The following NRXN3 variants were observed in gnomAD, a reference collection of about 807,000 sequenced individuals.
NRXN3 encodes neurexin III.
NRXN3 carries 32 observed loss-of-function variants against 137.6 expected under a neutral mutation model. The observed-to-expected ratio is 0.23, with a 90% CI of 0.18 to 0.31. The LOEUF is 0.31. Ranked by LOEUF, NRXN3 falls within the 10% of genes least tolerant of loss-of-function variation. The pLI is 1.00. For synonymous variants in NRXN3, 798 were observed against 784.5 expected (o/e 1.02, Z -0.29); for missense variants, 1,574 against 2,062.5 (o/e 0.76, Z 4.59).
chr14:79,447,728 T>C (rs1686210728), intron 15 of NRXN3, among the ~76,000 whole-genome samples: 1 of 152,234 alleles, frequency 6.6e-6, no homozygotes, highest in African/African-American at 2.4e-5. Context: ...TTTTGAGCTC[T>C]GGTCTTGAGT....
intron 1 of NRXN3, among the ~76,000 whole-genome samples, chr14:78,212,023 A>C (rs966302571): frequency 1.3e-5 from 2 of 152,180 alleles, no homozygotes; most frequent in African/African-American, 4.8e-5. Flanking sequence ...GGAGCCTCCT[A>C]CTTTGTTAGA....
Position 79,864,728 on chromosome 14 carries a change from GTTTTTGT to G in NRXN3, c.*2776_*2782del, listed in dbSNP as rs752937956. On this transcript the variant is annotated 3_prime_UTR_variant, in exon 21 of 21. Coordinates refer to ENST00000335750, the MANE Select transcript of NRXN3 (RefSeq NM_001330195.2). ...TTGGATACTATGGTTTTGTTTGTTT[GTTTTTGT>G]TTTTTGTTTTTCGTTTTTTGTTTGT... 20 of 152,006 alleles carry G rather than the reference GTTTTTGT, an allele frequency of 1.3e-4. No homozygotes were observed. Among genetic ancestry groups the G allele is most frequent in the Admixed American group, 3.9e-4 (6 of 15,244 alleles). The allele number at this position is 152,006 out of a possible 1,614,324, so 9.4% of individuals were successfully genotyped here. A position where few individuals can be genotyped will look rare whatever the true frequency, so the allele number is the denominator to read the frequency against.
chr14:78,927,097 G>C (rs1225040180), intron 10 of NRXN3, among the ~76,000 whole-genome samples: 1 of 130,054 alleles, frequency 7.7e-6, no homozygotes, highest in Admixed American at 9.9e-5. Context: ...TGAGGCTTCA[G>C]TGAGTCGTGA....
At chr14:79,825,559 C>T (rs1263824944) in intron 20 of NRXN3, among the ~76,000 whole-genome samples, 3 of 152,188 alleles carry the variant, frequency 2.0e-5, no homozygotes, top group Admixed American at 1.3e-4. Context: ...ATGTGATACA[C>T]GGAAGTGAGA....
At chr14:78,394,374 A>T (rs909736655) in intron 4 of NRXN3, among the ~76,000 whole-genome samples, 1 of 151,976 alleles carries the variant, frequency 6.6e-6, no homozygotes, top group Non-Finnish European at 1.5e-5. Context: ...GCTAGATTAC[A>T]TTGATAGGTT....
chr14:78,323,353 T>G lies in NRXN3; in HGVS notation c.757+25493T>G, dbSNP rs550632209. Among the ~76,000 whole-genome samples, 8 of 151,890 alleles carry G rather than the reference T, an allele frequency of 5.3e-5. 1 individual carries two copies. The South Asian group carries it at 1.7e-3, about 32-fold the overall frequency. On this transcript the variant is annotated intron_variant, in intron 4 of 20. Transcript: ENST00000335750. Reference sequence around the variant, plus strand: ...AAATCAAAGTGCCCTGTGTGTGGATTGAGAAGCCCTGGATTTAAGTCCTAA... The same window carrying G: ...AAATCAAAGTGCCCTGTGTGTGGATGGAGAAGCCCTGGATTTAAGTCCTAA...
intron 4 of NRXN3, among the ~76,000 whole-genome samples, chr14:78,429,464 C>T (rs1211895060): frequency 6.6e-6 from 1 of 152,174 alleles, no homozygotes; most frequent in Non-Finnish European, 1.5e-5. Context: ...AAATCCTACT[C>T]TAGTTGCCAA....
chr14:79,489,841 C>T (rs2096696199), intron 16 of NRXN3, among the ~76,000 whole-genome samples: 1 of 151,782 alleles, frequency 6.6e-6, no homozygotes, highest in African/African-American at 2.4e-5. Flanking sequence ...AGATCAAGAC[C>T]ATCCTGGCTA....
At chr14:79,692,373 GT>G in intron 18 of NRXN3, 111 bp downstream of exon 18, 1 of 796,758 alleles carries the variant, frequency 1.3e-6, no homozygotes, top group East Asian at 2.8e-5. Flanking sequence ...ATAAATGACT[GT>G]TTTAATTTTC....
At chr14:79,165,104 T>G (rs188552683) in intron 15 of NRXN3, among the ~76,000 whole-genome samples, 1 of 152,078 alleles carries the variant, frequency 6.6e-6, no homozygotes, top group Admixed American at 6.6e-5. Context: ...AGCCAGCGGT[T>G]GGTGGTTGAG....
At chr14:78,913,260 TTCTTTCTTTCTTTC>T (rs2099244738) in intron 10 of NRXN3, among the ~76,000 whole-genome samples, 3 of 105,854 alleles carry the variant, frequency 2.8e-5, no homozygotes, top group African/African-American at 9.9e-5. Flanking sequence ...CTTTCTTTCT[TTCTTTCTTTCTTTC>T]TTTTTTTTTT....
chr14:79,732,950 A>G (rs2098929189), intron 19 of NRXN3, among the ~76,000 whole-genome samples: 1 of 152,200 alleles, frequency 6.6e-6, no homozygotes, highest in Admixed American at 6.6e-5. Context: ...GTTCAGATTT[A>G]TATTTTGATA....
chr14:78,516,797 C>T (rs1444458108), intron 4 of NRXN3, among the ~76,000 whole-genome samples: 7 of 151,948 alleles, frequency 4.6e-5, no homozygotes, highest in Admixed American at 2.6e-4. Flanking sequence ...TGGGAAATAA[C>T]TATAGTTAAT....
intron 15 of NRXN3, among the ~76,000 whole-genome samples, chr14:79,258,736 G>A (rs201563093): frequency 8.0e-4 from 122 of 152,254 alleles, no homozygotes; most frequent in African/African-American, 2.8e-3. Flanking sequence ...AACAAACACT[G>A]CCTTTCTAAT....
intron 8 of NRXN3, among the ~76,000 whole-genome samples, chr14:78,759,112 G>A (rs1042323171): frequency 3.3e-5 from 5 of 152,090 alleles, no homozygotes; most frequent in East Asian, 3.9e-4. Context: ...CTCATCCTCC[G>A]GACCAGATGT....
In NRXN3 at chr14:78,485,554, A is replaced by G. The variant is rs368601717; in HGVS notation, c.758-159566A>G. Among the ~76,000 whole-genome samples, 4 of 152,338 alleles carry G rather than the reference A, an allele frequency of 2.6e-5. No individual in the cohort carries two copies. The East Asian group carries it at 7.7e-4, about 29-fold the overall frequency. On this transcript the variant is annotated intron_variant, in intron 4 of 20. Transcript: ENST00000335750. Reference sequence around the variant, plus strand: ...TTAAGGGTGTGGAGTAGTGCTTGACATGTAGTAAATGCTCAACAAATTGTT... The same window carrying G: ...TTAAGGGTGTGGAGTAGTGCTTGACGTGTAGTAAATGCTCAACAAATTGTT...
At chr14:79,655,437 T>C (rs992779692) in intron 16 of NRXN3, among the ~76,000 whole-genome samples, 5 of 152,232 alleles carry the variant, frequency 3.3e-5, no homozygotes, top group Non-Finnish European at 5.9e-5. Flanking sequence ...GATCAAATAT[T>C]TAAAAATTCA....
intron 15 of NRXN3, among the ~76,000 whole-genome samples, chr14:79,215,081 A>G (rs2068267476): frequency 6.6e-6 from 1 of 152,184 alleles, no homozygotes; most frequent in Admixed American, 6.5e-5. Flanking sequence ...CTCCTCAGGG[A>G]TGCTGAGACT....
intron 4 of NRXN3, among the ~76,000 whole-genome samples, chr14:78,643,158 C>A (rs2097652105): frequency 1.3e-5 from 2 of 152,170 alleles, no homozygotes; most frequent in Non-Finnish European, 2.9e-5. Context: ...TATAAAATAT[C>A]TCCTTTTTAC....
Sources: allele counts gnomAD v4.1 joint callset (sites outside exome capture counted in the v4.1 genomes callset), GRCh38; gene constraint gnomAD v4.1.1; transcripts MANE v1.5; gene names NCBI Gene and HGNC (gene_info 2026-07-23, HGNC 2026-07-21).